Variants in SNRPA observed in about 807,000 individuals in gnomAD.
The protein encoded by SNRPA is U1 small nuclear ribonucleoprotein A.
Under a neutral mutation model 24.5 loss-of-function variants are expected in SNRPA, and 10 were observed. The observed-to-expected ratio is 0.41, with a 90% CI of 0.25 to 0.69. SNRPA has a LOEUF of 0.69. Among genes scored for constraint, SNRPA ranks in the 30% least tolerant of loss-of-function variants. SNRPA has a pLI of 0.33. For synonymous variants in SNRPA, 165 were observed against 148.4 expected, an observed-to-expected ratio of 1.11 and a Z score of -0.81; for missense variants, 283 against 394.7, an observed-to-expected ratio of 0.72 and a Z score of 2.40.
Position 40,757,472 on chromosome 19 carries a change from A to C in SNRPA, c.214A>C (p.Met72Leu). 1 of 1,613,324 alleles carries C rather than the reference A, an allele frequency of 6.2e-7. No homozygotes were observed. Among genetic ancestry groups the C allele is most frequent in the Non-Finnish European group, 8.5e-7 (1 of 1,179,694 alleles). ...VSSATNALRS[M>L]QGFPFYDKPM... ...CAGCGCCACCAACGCCCTGCGCTCCATGCAGGGTTTCCCTTTCTATGACAA... is the reference window on the plus strand; with the variant it reads ...CAGCGCCACCAACGCCCTGCGCTCCCTGCAGGGTTTCCCTTTCTATGACAA... Residue 72 changes from methionine to leucine, a missense_variant, in exon 2 of 6, where the codon ATG (methionine) becomes CTG (leucine). By Grantham distance (15) the Met-to-Leu change is conservative (BLOSUM62 2). This residue lies in a region of SNRPA where 12 missense variants were observed against 45.6 expected (regional missense o/e 0.26). Transcript: ENST00000243563.
chr19:40,751,768 C>G (rs1315614552), intron 1 of SNRPA, among the ~76,000 whole-genome samples: 1 of 152,112 alleles, frequency 6.6e-6, no homozygotes, highest in Non-Finnish European at 1.5e-5. Flanking sequence ...ACTTGCCGTA[C>G]GCTGAGACCA....
chr19:40,765,008 G>A lies in SNRPA; in HGVS notation c.690G>A (p.Gln230=). The change falls in exon 6 of 6, where the codon CAG becomes CAA. Residue 230 remains glutamine, a splice_region_variant and synonymous_variant. Coordinates refer to ENST00000243563, the MANE Select transcript of SNRPA (RefSeq NM_004596.5). The stretch of plus-strand genomic sequence containing the variant: ...CCTGAGGTCTGTCGTTCTCTTTCAG[G>A]TTCCCTGGCTTCAAGGAGGTCCGTC... ...NELMLSMLFN[Q]FPGFKEVRLV... The A allele has an allele frequency of 6.4e-7, 1 of 1,560,134 alleles. No homozygotes were observed. The highest frequency in any genetic ancestry group is 8.7e-7 in the Non-Finnish European group (1 of 1,155,418).
At chr19:40,755,119 C>T (rs2082902906) in intron 1 of SNRPA, among the ~76,000 whole-genome samples, 1 of 151,934 alleles carries the variant, frequency 6.6e-6, no homozygotes, top group African/African-American at 2.4e-5. Flanking sequence ...ATTTGTCACC[C>T]AGGCTGGAGT....
At chr19:40,764,656 TTC>T in intron 5 of SNRPA, among the ~76,000 whole-genome samples, 1 of 152,206 alleles carries the variant, frequency 6.6e-6, no homozygotes, top group Middle Eastern at 3.4e-3. Flanking sequence ...GTGAAACCCC[TTC>T]TCTCCTAAAA....
At chr19:40,763,723 A>T (rs1325860912) in intron 5 of SNRPA, 48 bp downstream of exon 5, 1 of 1,456,472 alleles carries the variant, frequency 6.9e-7, no homozygotes. Context: ...GATGGCCAGG[A>T]GGCATCTCCA....
In SNRPA at chr19:40,763,662, A is replaced by G; in HGVS notation, c.676A>G (p.Met226Val). The G allele has an allele frequency of 6.2e-7, 1 of 1,613,984 alleles. No homozygotes were observed. The highest frequency in any genetic ancestry group is 8.5e-7 in the Non-Finnish European group (1 of 1,179,884). ...GGAGACCAACGAGCTCATGCTGTCC[A>G]TGCTTTTCAATCAGTAAGTGGGGCC... Reference protein sequence around the residue: ...PEETNELMLSMLFNQFPGFKE... With the variant: ...PEETNELMLSVLFNQFPGFKE... The change falls in exon 5 of 6, where the codon ATG (methionine) becomes GTG (valine). Residue 226 changes from methionine (M) to valine (V), a missense_variant. Met to Val is a conservative substitution (Grantham distance 21, BLOSUM62 1). Around this residue, in one of 6 missense-constraint regions of SNRPA, gnomAD observed 51 missense variants for 110.3 expected, o/e 0.46. Coordinates refer to ENST00000243563, the MANE Select transcript of SNRPA (RefSeq NM_004596.5).
intron 1 of SNRPA, 60 bp downstream of exon 1, chr19:40,751,541 T>A (rs898462172): frequency 8.6e-7 from 1 of 1,167,138 alleles, no homozygotes; most frequent in Non-Finnish European, 1.3e-6. Flanking sequence ...CCCTCTTCCG[T>A]CCCCTGCACC....
intron 3 of SNRPA, among the ~76,000 whole-genome samples, chr19:40,762,109 C>T (rs977239913): frequency 1.3e-5 from 2 of 152,160 alleles, no homozygotes; most frequent in Non-Finnish European, 2.9e-5. Context: ...GTGATTCCAG[C>T]CCCTGAGTGT....
At chr19:40,761,458 C>CTTTTTT (rs200242370) in intron 3 of SNRPA, among the ~76,000 whole-genome samples, 1,812 of 85,932 alleles carry the variant, frequency 0.021, 52 homozygotes, top group Middle Eastern at 0.027. Context: ...TTTTCTTTTT[C>CTTTTTT]TTTTTTTTTT....
chr19:40,765,237 CT>C lies in SNRPA; in HGVS notation c.*71del, dbSNP rs2082949254. The C allele has an allele frequency of 2.5e-6, 3 of 1,200,660 alleles. No homozygotes were observed. Among genetic ancestry groups the C allele is most frequent in the Non-Finnish European group, 3.3e-6 (3 of 903,492 alleles). 74.4% of individuals were successfully genotyped at this position (1,200,660 alleles called of 1,614,324 possible). A position where few individuals can be genotyped will look rare whatever the true frequency, so the allele number is the denominator to read the frequency against. ...CCCCTTTCCCCCTTGGCTCAGCCCC[CT>C]GAAGGTAAGTCCCCCCTTGGGGGCC... On this transcript the variant is annotated 3_prime_UTR_variant, in exon 6 of 6. Coordinates refer to ENST00000243563, the MANE Select transcript of SNRPA (RefSeq NM_004596.5).
chr19:40,751,251 C>G lies in SNRPA; in HGVS notation c.-158C>G, dbSNP rs1343570807. On this transcript the variant is annotated 5_prime_UTR_variant, in exon 1 of 6. Coordinates refer to ENST00000243563, the MANE Select transcript of SNRPA (RefSeq NM_004596.5). The stretch of plus-strand genomic sequence containing the variant: ...GCGGGTCCTACGCACGCTTTGTTGT[C>G]GCGCTTTGCCTCCGTCCTTGCCCCT... 1 of 674,174 alleles carries G rather than the reference C, an allele frequency of 1.5e-6. No homozygotes were observed. The highest frequency in any genetic ancestry group is 1.6e-5 in the South Asian group (1 of 61,196). 41.8% of individuals were successfully genotyped at this position (674,174 alleles called of 1,614,324 possible).
Position 40,762,786 on chromosome 19 carries a change from C to T in SNRPA, c.427-115C>T, listed in dbSNP as rs570113270. On this transcript the variant is annotated intron_variant, in intron 3 of 5. Coordinates refer to ENST00000243563, the MANE Select transcript of SNRPA (RefSeq NM_004596.5). ...TCGGGCCCTCTTTGGGTGCCTTTTG[C>T]GCCTCTTTCTGGGTGTTTTTCCTTA... 132 of 1,091,010 alleles carry T rather than the reference C, an allele frequency of 1.2e-4. 1 individual carries two copies. In the South Asian group the frequency reaches 1.3e-3, roughly 11 times the overall value. 67.6% of individuals were successfully genotyped at this position (1,091,010 alleles called of 1,614,324 possible).
chr19:40,765,141 A>G lies in SNRPA; in HGVS notation c.823A>G (p.Met275Val). ...QGFKITQNNA[M>V]KISFAKK is the part of the protein sequence containing the mutation. ...CTTTAAGATCACGCAGAACAACGCC[A>G]TGAAGATCTCCTTTGCCAAGAAGTA... Residue 275 changes from methionine (M) to valine (V), a missense_variant, in exon 6 of 6, where the codon ATG (methionine) becomes GTG (valine). Around this residue, in one of 6 missense-constraint regions of SNRPA, gnomAD observed 51 missense variants for 110.3 expected, o/e 0.46. Transcript: ENST00000243563. 6.5e-7 allele frequency: 1 copy of G among 1,547,494 alleles called. No homozygotes were observed. The highest frequency in any genetic ancestry group is 1.2e-5 in the South Asian group (1 of 82,948).
chr19:40,753,945 G>A (rs1038589779), intron 1 of SNRPA, among the ~76,000 whole-genome samples: 2 of 151,730 alleles, frequency 1.3e-5, no homozygotes, highest in African/African-American at 4.8e-5. Flanking sequence ...GGGACTACAG[G>A]CGCCCACCAG....
chr19:40,762,837 T>G, intron 3 of SNRPA, 64 bp from the exon 4 acceptor site: 1 of 1,547,008 alleles, frequency 6.5e-7, no homozygotes, highest in Non-Finnish European at 8.8e-7. Flanking sequence ...AGGTTTCCTT[T>G]CATGGCCTCT....
rs779329468 is a variant in SNRPA at position 40,751,441 on chromosome 19, T to G, written c.33T>G (p.Thr11=). The G allele has an allele frequency of 5.6e-6, 9 of 1,613,516 alleles. No individual in the cohort carries two copies. The highest frequency in any genetic ancestry group is 7.6e-6 in the Non-Finnish European group (9 of 1,179,654). Reference sequence around the variant, plus strand: ...TTCCCGAGACCCGCCCTAACCACACTATTTATATCAACAACCTCAATGAGA... The same window carrying G: ...TTCCCGAGACCCGCCCTAACCACACGATTTATATCAACAACCTCAATGAGA... The part of the protein sequence containing the change: MAVPETRPNH[T]IYINNLNEKI... The change falls in exon 1 of 6, where the codon ACT becomes ACG. Residue 11 remains threonine, a synonymous_variant. Transcript: ENST00000243563.
At chr19:40,753,682 C>A (rs889952313) in intron 1 of SNRPA, among the ~76,000 whole-genome samples, 6 of 152,156 alleles carry the variant, frequency 3.9e-5, no homozygotes, top group Admixed American at 3.9e-4. Flanking sequence ...CAGGTGTGAG[C>A]CACCACACCC....
At position 40,765,170 on chromosome 19, in the gene SNRPA, C is replaced by A; in HGVS notation, c.*3C>A. 6.6e-7 allele frequency: 1 copy of A among 1,523,038 alleles called. No individual in the cohort carries two copies. Among genetic ancestry groups the A allele is most frequent in the South Asian group, 1.3e-5 (1 of 78,664 alleles). 94.3% of individuals were successfully genotyped at this position (1,523,038 alleles called of 1,614,324 possible). On this transcript the variant is annotated 3_prime_UTR_variant, in exon 6 of 6. Transcript: ENST00000243563. ...AGATCTCCTTTGCCAAGAAGTAGCACCTTTTCCCCCCATGCCTGCCCCTTC... is the reference window on the plus strand; with the variant it reads ...AGATCTCCTTTGCCAAGAAGTAGCAACTTTTCCCCCCATGCCTGCCCCTTC...
Position 40,765,075 on chromosome 19 carries a change from A to G in SNRPA, c.757A>G (p.Asn253Asp), listed in dbSNP as rs766783077. Residue 253 changes from asparagine to aspartate, a missense_variant, in exon 6 of 6, where the codon AAT becomes GAT. This residue lies in a region of SNRPA where 51 missense variants were observed against 110.3 expected (regional missense o/e 0.46). Coordinates refer to ENST00000243563, the MANE Select transcript of SNRPA (RefSeq NM_004596.5). ...RHDIAFVEFD[N>D]EVQAGAARDA... ...TGACATCGCCTTCGTGGAGTTTGAC[A>G]ATGAGGTACAGGCAGGGGCAGCTCG... 18 of 1,594,278 alleles carry G rather than the reference A, an allele frequency of 1.1e-5. No individual in the cohort carries two copies. Among genetic ancestry groups the G allele is most frequent in the Non-Finnish European group, 1.4e-5 (16 of 1,171,608 alleles).
Sources: gnomAD v4.1 joint callset for allele counts (sites outside exome capture counted in the v4.1 genomes callset) on GRCh38, gnomAD v4.1.1 for gene constraint, gnomAD v4.1.1 regional missense constraint, MANE v1.5 for transcripts, NCBI Gene and HGNC (gene_info 2026-07-23, HGNC 2026-07-21) for gene names.